Variants in CCR5AS observed in about 807,000 individuals in gnomAD.
The protein encoded by CCR5AS is CCR5 antisense RNA.
intron 2 of CCR5AS, among the ~76,000 whole-genome samples, chr3:46,378,735 T>C (rs1701785394): frequency 6.6e-6 from 1 of 152,190 alleles, no homozygotes; most frequent in African/African-American, 2.4e-5. Flanking sequence ...CATTCATCAT[T>C]TCTGAAAACC....
At chr3:46,393,545 T>A (rs1395278846) in intron 1 of CCR5AS, among the ~76,000 whole-genome samples, 1 of 146,340 alleles carries the variant, frequency 6.8e-6, no homozygotes, top group Non-Finnish European at 1.5e-5. Context: ...TAAAAAATTA[T>A]AGGGAAAAGT....
chr3:46,370,422 G>C (rs1389642911), intron 3 of CCR5AS, among the ~76,000 whole-genome samples: 1 of 152,112 alleles, frequency 6.6e-6, no homozygotes, highest in South Asian at 2.1e-4. Context: ...TAGGGGATAC[G>C]GGGAGAGTGG....
At chr3:46,381,909 T>C (rs943466752) in intron 2 of CCR5AS, among the ~76,000 whole-genome samples, 1 of 152,198 alleles carries the variant, frequency 6.6e-6, no homozygotes, top group African/African-American at 2.4e-5. Context: ...GGATTTCCAG[T>C]AGTAATTTGG....
At chr3:46,373,695 G>A (rs1271401155) in intron 2 of CCR5AS, 1 of 1,614,106 alleles carries the variant, frequency 6.2e-7, no homozygotes, top group Admixed American at 1.7e-5. Flanking sequence ...GGAATTCTTT[G>A]GCCTGAATAA....
At chr3:46,364,439 C>A (rs1238766412) in exon 4 of CCR5AS, among the ~76,000 whole-genome samples, 1 of 152,156 alleles carries the variant, frequency 6.6e-6, no homozygotes, top group Non-Finnish European at 1.5e-5. Context: ...CTATTGAGAA[C>A]TATTGCTCAG....
At position 46,373,205 on chromosome 3, in the gene CCR5AS, T is replaced by A. The variant is rs1800560; in HGVS notation, n.392-1788A>T. On this transcript the variant is annotated intron_variant and non_coding_transcript_variant, in intron 2 of 3. Transcript: ENST00000451485. ...AGTGGGACTTTGGAAATACAATGTG[T>A]CAACTCTTGACAGGGCTCTATTTTA... 1.5e-3 allele frequency: 2,403 copies of A among 1,614,194 alleles called. 6 individuals carry two copies. The highest frequency in any genetic ancestry group is 1.9e-3 in the Non-Finnish European group (2,274 of 1,180,028).
intron 1 of CCR5AS, among the ~76,000 whole-genome samples, chr3:46,403,382 G>C (rs549975705): frequency 6.6e-6 from 1 of 152,188 alleles, no homozygotes. Flanking sequence ...TTAATGTTGT[G>C]TGTATCAATC....
chr3:46,387,003 A>T (rs764412388), intron 2 of CCR5AS, among the ~76,000 whole-genome samples: 1 of 152,192 alleles, frequency 6.6e-6, no homozygotes, highest in Non-Finnish European at 1.5e-5. Flanking sequence ...CTGCCCATGT[A>T]ATATTTGAAT....
rs186957002 is a variant in CCR5AS at position 46,372,744 on chromosome 3, A to G, written n.392-1327T>C. The G allele has an allele frequency of 2.8e-4, 162 of 579,984 alleles. No homozygotes were observed. In the Middle Eastern group the frequency reaches 3.8e-3, roughly 14 times the overall value. The allele number at this position is 579,984 out of a possible 1,614,324, so 35.9% of individuals were successfully genotyped here. A position where few individuals can be genotyped will look rare whatever the true frequency, so the allele number is the denominator to read the frequency against. Reference sequence around the variant, plus strand: ...AACCTTCCCTTCACTACAAAACTTCATTGCTTGGCCAAAAAGAGAGTTAAT... The same window carrying G: ...AACCTTCCCTTCACTACAAAACTTCGTTGCTTGGCCAAAAAGAGAGTTAAT... On this transcript the variant is annotated intron_variant and non_coding_transcript_variant, in intron 2 of 3. Coordinates refer to ENST00000451485, the Ensembl canonical transcript of CCR5AS.
At chr3:46,366,947 G>T (rs1436838065) in intron 3 of CCR5AS, among the ~76,000 whole-genome samples, 1 of 152,140 alleles carries the variant, frequency 6.6e-6, no homozygotes, top group Non-Finnish European at 1.5e-5. Flanking sequence ...GTGTGACACT[G>T]CTCACATGAC....
chr3:46,388,474 G>A (rs1575285113), intron 2 of CCR5AS, among the ~76,000 whole-genome samples: 1 of 152,170 alleles, frequency 6.6e-6, no homozygotes, highest in East Asian at 1.9e-4. Context: ...AGAACTGGGA[G>A]GACCCAGGAC....
intron 2 of CCR5AS, among the ~76,000 whole-genome samples, chr3:46,379,897 A>AAAATAAATAAATAAAT (rs60485134): frequency 3.4e-5 from 5 of 146,398 alleles, no homozygotes; most frequent in African/African-American, 1.3e-4. Flanking sequence ...ACTCTGTCTC[A>AAAATAAATAAATAAAT]AAATAAATAA....
intron 2 of CCR5AS, among the ~76,000 whole-genome samples, chr3:46,386,748 G>A (rs930139413): frequency 6.6e-6 from 1 of 152,142 alleles, no homozygotes; most frequent in African/African-American, 2.4e-5. Context: ...TGTTAATTAT[G>A]CTTTAATTTG....
At chr3:46,392,600 C>A (rs1701922758) in intron 2 of CCR5AS, among the ~76,000 whole-genome samples, 1 of 152,106 alleles carries the variant, frequency 6.6e-6, no homozygotes, top group African/African-American at 2.4e-5. Context: ...GATCAGACAC[C>A]AAATGGAATG....
intron 2 of CCR5AS, among the ~76,000 whole-genome samples, chr3:46,380,447 T>C (rs1041578428): frequency 6.6e-6 from 1 of 152,254 alleles, no homozygotes; most frequent in Admixed American, 6.5e-5. Context: ...AGTTACATTA[T>C]CACCTCGTTT....
intron 2 of CCR5AS, among the ~76,000 whole-genome samples, chr3:46,386,153 T>A (rs917082684): frequency 2.0e-5 from 3 of 152,016 alleles, no homozygotes; most frequent in African/African-American, 7.2e-5. Flanking sequence ...TGGACTCAGG[T>A]GATCAGCCTG....
intron 1 of CCR5AS, among the ~76,000 whole-genome samples, chr3:46,396,688 T>C (rs1055773024): frequency 6.6e-6 from 1 of 152,204 alleles, no homozygotes; most frequent in East Asian, 1.9e-4. Flanking sequence ...TGCAGAGGCC[T>C]AGCGCCCTCC....
intron 1 of CCR5AS, among the ~76,000 whole-genome samples, chr3:46,393,361 A>T (rs1701931845): frequency 6.6e-6 from 1 of 151,798 alleles, no homozygotes. Flanking sequence ...TGTGCAGGTC[A>T]CAGAGGATAT....
intron 3 of CCR5AS, among the ~76,000 whole-genome samples, chr3:46,366,783 C>A (rs891596428): frequency 2.0e-5 from 3 of 152,186 alleles, no homozygotes; most frequent in Admixed American, 6.5e-5. Flanking sequence ...TGTTGAGGCA[C>A]ATGGGTAACA....
Sources: gnomAD v4.1 joint callset for allele counts (sites outside exome capture counted in the v4.1 genomes callset) on GRCh38, gnomAD v4.1.1 for gene constraint, MANE v1.5 for transcripts, NCBI Gene and HGNC (gene_info 2026-07-23, HGNC 2026-07-21) for gene names.